CNTN5: variants seen among roughly 807,000 people sequenced by gnomAD.
The protein encoded by CNTN5 is contactin 5.
Under a neutral mutation model 129.1 loss-of-function variants are expected in CNTN5, and 77 were observed. The ratio of observed to expected loss-of-function variants is 0.60; its 90% CI spans 0.50 to 0.72. The LOEUF is 0.72. Among genes scored for constraint, CNTN5 ranks in the 30% least tolerant of loss-of-function variants. The probability of loss-of-function intolerance (pLI) is 0.00; values close to 1 mark genes in which losing one functional copy is unlikely to be tolerated. For synonymous variants in CNTN5, 509 were observed against 465.6 expected, an observed-to-expected ratio of 1.09 and a Z score of -1.20; for missense variants, 1,478 against 1,328.8, an observed-to-expected ratio of 1.11 and a Z score of -1.75.
intron 2 of CNTN5, among the ~76,000 whole-genome samples, chr11:99,408,008 A>G (rs1310694580): frequency 6.6e-6 from 1 of 152,148 alleles, no homozygotes; most frequent in Non-Finnish European, 1.5e-5. Context: ...CAGTGATATG[A>G]AGTTAAAACC....
At chr11:100,017,503 G>C (rs1223346171) in intron 9 of CNTN5, among the ~76,000 whole-genome samples, 6 of 151,930 alleles carry the variant, frequency 3.9e-5, no homozygotes, top group Admixed American at 2.6e-4. Flanking sequence ...ACTGTATCTT[G>C]AATGTGATAA....
At chr11:99,298,497 C>T (rs938490996) in intron 1 of CNTN5, among the ~76,000 whole-genome samples, 2 of 152,110 alleles carry the variant, frequency 1.3e-5, no homozygotes, top group East Asian at 3.9e-4. Context: ...GATAGGTTTT[C>T]GCATTTGTCT....
At chr11:99,922,517 G>T (rs1949964948) in intron 7 of CNTN5, among the ~76,000 whole-genome samples, 1 of 152,180 alleles carries the variant, frequency 6.6e-6, no homozygotes. Context: ...CCTGATACGT[G>T]CTAGAAATCT....
chr11:99,422,004 T>C (rs1790611096), intron 2 of CNTN5, among the ~76,000 whole-genome samples: 2 of 152,204 alleles, frequency 1.3e-5, no homozygotes, highest in African/African-American at 4.8e-5. Context: ...GTTCAATCTC[T>C]ACTTGATAGG....
In CNTN5 at chr11:100,358,772, A is replaced by G. The variant is rs1184558383; in HGVS notation, c.*2552A>G. ...AATATATTGTGTACGATCTGTATAT[A>G]TACTATATATAAGGCATATACCGTG... On this transcript the variant is annotated 3_prime_UTR_variant, in exon 25 of 25. Coordinates refer to ENST00000524871, the MANE Select transcript of CNTN5 (RefSeq NM_014361.4). 2.6e-5 allele frequency: 4 copies of G among 151,906 alleles called. No individual in the cohort carries two copies. The highest frequency in any genetic ancestry group is 9.7e-5 in the African/African-American group (4 of 41,420). The allele number at this position is 151,906 out of a possible 1,614,324, so 9.4% of individuals were successfully genotyped here. A position where few individuals can be genotyped will look rare whatever the true frequency, so the allele number is the denominator to read the frequency against.
At chr11:99,779,250 G>A (rs1262225695) in intron 3 of CNTN5, among the ~76,000 whole-genome samples, 1 of 151,762 alleles carries the variant, frequency 6.6e-6, no homozygotes, top group Non-Finnish European at 1.5e-5. Context: ...AAATTCAGAA[G>A]AAATAAAATA....
intron 3 of CNTN5, among the ~76,000 whole-genome samples, chr11:99,636,649 A>G (rs1221110753): frequency 1.3e-5 from 2 of 152,030 alleles, no homozygotes; most frequent in Non-Finnish European, 2.9e-5. Context: ...TTCTTCTACT[A>G]AAGGCCAAAA....
chr11:99,394,639 C>A (rs1442784491), intron 2 of CNTN5, among the ~76,000 whole-genome samples: 1 of 151,520 alleles, frequency 6.6e-6, no homozygotes, highest in South Asian at 2.1e-4. Flanking sequence ...TATTTCATCA[C>A]CCAGGTATTA....
chr11:99,624,700 AG>A (rs1201582092), intron 3 of CNTN5, among the ~76,000 whole-genome samples: 1 of 152,190 alleles, frequency 6.6e-6, no homozygotes, highest in Non-Finnish European at 1.5e-5. Flanking sequence ...CATTCTGAGA[AG>A]CACCCTGCCA....
chr11:100,119,016 T>C (rs895504542), intron 13 of CNTN5, among the ~76,000 whole-genome samples: 4 of 150,944 alleles, frequency 2.6e-5, no homozygotes, highest in African/African-American at 7.4e-5. Flanking sequence ...GTGTGAACTT[T>C]TAGTCTCCTT....
intron 1 of CNTN5, among the ~76,000 whole-genome samples, chr11:99,281,697 A>G (rs539132136): frequency 4.6e-5 from 7 of 152,190 alleles, no homozygotes; most frequent in Non-Finnish European, 8.8e-5. Flanking sequence ...TTATTTCAAT[A>G]TATAATCATA....
At chr11:99,818,795 T>C (rs894451049) in intron 3 of CNTN5, among the ~76,000 whole-genome samples, 2 of 152,192 alleles carry the variant, frequency 1.3e-5, no homozygotes, top group Non-Finnish European at 2.9e-5. Flanking sequence ...ACCTTAGGAA[T>C]TAAAATATGA....
chr11:99,091,017 G>A (rs773268746), intron 1 of CNTN5, among the ~76,000 whole-genome samples: 135 of 67,184 alleles, frequency 2.0e-3, no homozygotes, highest in Admixed American at 8.9e-3. Flanking sequence ...GCGAGACTCC[G>A]TCTCAAAAAA....
At chr11:99,563,924 A>T (rs1191861807) in intron 3 of CNTN5, among the ~76,000 whole-genome samples, 1 of 152,232 alleles carries the variant, frequency 6.6e-6, no homozygotes, top group East Asian at 1.9e-4. Flanking sequence ...GAGGTGGAAA[A>T]GTAGATTCAA....
chr11:100,135,401 T>G (rs1946492762), intron 13 of CNTN5, among the ~76,000 whole-genome samples: 1 of 152,056 alleles, frequency 6.6e-6, no homozygotes, highest in South Asian at 2.1e-4. Flanking sequence ...GGTCTCGATC[T>G]CCTGACCTTA....
chr11:100,295,178 G>C (rs1407173171), intron 18 of CNTN5, among the ~76,000 whole-genome samples: 2 of 151,594 alleles, frequency 1.3e-5, no homozygotes, highest in Non-Finnish European at 3.0e-5. Context: ...GGTAAGGTAA[G>C]AGAAGGATGA....
intron 3 of CNTN5, among the ~76,000 whole-genome samples, chr11:99,712,885 TGTA>T (rs1490074009): frequency 6.6e-6 from 1 of 152,142 alleles, no homozygotes; most frequent in African/African-American, 2.4e-5. Context: ...ACTGTAGCCT[TGTA>T]GTATAGTTTG....
chr11:99,040,000 G>T (rs1228137475), intron 1 of CNTN5, among the ~76,000 whole-genome samples: 1 of 152,066 alleles, frequency 6.6e-6, no homozygotes, highest in Non-Finnish European at 1.5e-5. Context: ...GCAGAGAAGA[G>T]ATTTACTGAC....
intron 3 of CNTN5, among the ~76,000 whole-genome samples, chr11:99,798,155 T>A (rs564123072): frequency 1.3e-5 from 2 of 152,118 alleles, no homozygotes; most frequent in South Asian, 4.2e-4. Flanking sequence ...TTTCCCTCAA[T>A]GTGTCCATGT....
Sources: gnomAD v4.1 joint callset for allele counts (sites outside exome capture counted in the v4.1 genomes callset) on GRCh38, gnomAD v4.1.1 for gene constraint, MANE v1.5 for transcripts, NCBI Gene and HGNC (gene_info 2026-07-23, HGNC 2026-07-21) for gene names.